Variants in ENPP3 observed in about 807,000 individuals in gnomAD.
The protein encoded by ENPP3 is ectonucleotide pyrophosphatase/phosphodiesterase family member 3.
Under a neutral mutation model 117.8 loss-of-function variants are expected in ENPP3, and 104 were observed. That is an observed-to-expected ratio of 0.88 (90% CI 0.75 to 1.04). The LOEUF is 1.04. Ranked by LOEUF, ENPP3 falls within the 50% of genes least tolerant of loss-of-function variation. ENPP3 has a pLI of 0.00. For synonymous variants in ENPP3, 380 were observed against 349.9 expected (o/e 1.09, Z -0.96); for missense variants, 1,026 against 1,051.9 (o/e 0.98, Z 0.34).
chr6:131,672,919 A>G (rs1028671474), intron 7 of ENPP3, among the ~76,000 whole-genome samples: 82 of 152,248 alleles, frequency 5.4e-4, no homozygotes, highest in African/African-American at 1.9e-3. Context: ...GGCAGGGAAG[A>G]TGGATAGAGA....
intron 15 of ENPP3, chr6:131,701,413 A>G (rs772367989): frequency 1.2e-6 from 2 of 1,609,204 alleles, no homozygotes; most frequent in Non-Finnish European, 1.7e-6. Flanking sequence ...TCCCTATGAC[A>G]GAGGAAATCA....
chr6:131,638,520 C>T (rs1169493113), intron 1 of ENPP3: 1 of 452,188 alleles, frequency 2.2e-6, no homozygotes, highest in Non-Finnish European at 4.4e-6. Flanking sequence ...CCTCCTGCCT[C>T]AGCCTCCTGA....
At chr6:131,649,945 A>C in intron 2 of ENPP3, 82 bp from the exon 3 acceptor site, 1 of 1,445,984 alleles carries the variant, frequency 6.9e-7, no homozygotes, top group African/African-American at 1.4e-5. Flanking sequence ...TGTGCTGTGT[A>C]CTTCCTGTGT....
intron 19 of ENPP3, among the ~76,000 whole-genome samples, chr6:131,724,740 C>T (rs990919092): frequency 5.3e-5 from 8 of 152,062 alleles, no homozygotes; most frequent in African/African-American, 1.7e-4. Context: ...TTATAATCTG[C>T]CAAGTGTTAT....
chr6:131,747,269 A>AT lies in ENPP3; in HGVS notation c.*318dup. ...TATCTTACTCAGAATCTTTGAATAT[A>AT]TTTTTCTGCCCAGAATTATCTAAAC... is the stretch of plus-strand genomic sequence containing the variant. On this transcript the variant is annotated 3_prime_UTR_variant, in exon 25 of 25. Coordinates refer to ENST00000357639, the MANE Select transcript of ENPP3 (RefSeq NM_005021.5). 1 of 163,370 alleles carries AT rather than the reference A, an allele frequency of 6.1e-6. No individual in the cohort carries two copies. The highest frequency in any genetic ancestry group is 1.3e-5 in the Non-Finnish European group (1 of 75,818). The allele number at this position is 163,370 out of a possible 1,614,324, so 10.1% of individuals were successfully genotyped here.
At chr6:131,736,868 C>T (rs560095668) in intron 21 of ENPP3, among the ~76,000 whole-genome samples, 6 of 152,214 alleles carry the variant, frequency 3.9e-5, no homozygotes, top group Middle Eastern at 3.4e-3. Context: ...TTTTTGAAGG[C>T]TCTAGGGGAA....
intron 6 of ENPP3, among the ~76,000 whole-genome samples, chr6:131,664,503 A>G (rs998137457): frequency 3.3e-5 from 5 of 152,190 alleles, no homozygotes; most frequent in South Asian, 2.1e-4. Context: ...AAAAAAATAC[A>G]TTTTTGTAAG....
chr6:131,652,995 A>C, intron 5 of ENPP3, 104 bp downstream of exon 5: 1 of 730,314 alleles, frequency 1.4e-6, no homozygotes, highest in Non-Finnish European at 2.4e-6. Flanking sequence ...ATTCATGTAC[A>C]TTTCAAAACA....
At chr6:131,645,916 G>A (rs955258974) in intron 2 of ENPP3, among the ~76,000 whole-genome samples, 10 of 151,926 alleles carry the variant, frequency 6.6e-5, no homozygotes, top group Admixed American at 1.3e-4. Context: ...AATAATTTAC[G>A]CTCTTCAATT....
intron 7 of ENPP3, among the ~76,000 whole-genome samples, chr6:131,673,127 A>G (rs1778782027): frequency 6.6e-6 from 1 of 152,230 alleles, no homozygotes; most frequent in South Asian, 2.1e-4. Flanking sequence ...AGTTATATTA[A>G]CACCATCAGC....
chr6:131,741,360 T>C (rs1335851387), intron 24 of ENPP3, among the ~76,000 whole-genome samples: 1 of 152,194 alleles, frequency 6.6e-6, no homozygotes, highest in Non-Finnish European at 1.5e-5. Context: ...AGGCACACAA[T>C]TTAGTCAGTC....
At chr6:131,724,148 G>C in intron 19 of ENPP3, 57 bp downstream of exon 19, 1 of 1,253,078 alleles carries the variant, frequency 8.0e-7, no homozygotes, top group Non-Finnish European at 1.2e-6. Context: ...AAAACACAAT[G>C]TGGCCCTTTT....
At chr6:131,735,862 A>G (rs991644727) in intron 21 of ENPP3, among the ~76,000 whole-genome samples, 1 of 152,316 alleles carries the variant, frequency 6.6e-6, no homozygotes, top group South Asian at 2.1e-4. Flanking sequence ...GTAAAGTTTC[A>G]GTTAAGCAAG....
At chr6:131,657,072 G>T (rs925916760) in intron 5 of ENPP3, among the ~76,000 whole-genome samples, 5 of 152,092 alleles carry the variant, frequency 3.3e-5, no homozygotes, top group African/African-American at 4.8e-5. Flanking sequence ...ATGAAAAAAA[G>T]AAGTATTTTC....
At chr6:131,639,528 T>C (rs2114277749) in intron 1 of ENPP3, among the ~76,000 whole-genome samples, 1 of 152,254 alleles carries the variant, frequency 6.6e-6, no homozygotes, top group East Asian at 1.9e-4. Context: ...TGTATCTCTC[T>C]AGTGGTTTTT....
Position 131,722,266 on chromosome 6 carries a change from A to T in ENPP3, c.1607A>T (p.His536Leu), listed in dbSNP as rs765317885. ...RIQPAPNNGT[H>L]GSLNHLLKVP... Reference sequence around the variant, plus strand: ...CAACCAGCACCAAACAATGGAACCCATGGTAGTTTAAACCATCTTCTGAAG... The same window carrying T: ...CAACCAGCACCAAACAATGGAACCCTTGGTAGTTTAAACCATCTTCTGAAG... The change falls in exon 18 of 25, where the codon CAT (histidine) becomes CTT (leucine). Residue 536 changes from histidine to leucine, a missense_variant. Physicochemically the swap from His to Leu is moderately conservative, Grantham distance 99 (BLOSUM62 -3). Transcript: ENST00000357639. The T allele has an allele frequency of 6.2e-7, 1 of 1,613,958 alleles. No individual in the cohort carries two copies. The highest frequency in any genetic ancestry group is 8.5e-7 in the Non-Finnish European group (1 of 1,179,986).
chr6:131,639,560 A>G (rs1778000649), intron 1 of ENPP3, among the ~76,000 whole-genome samples: 1 of 152,092 alleles, frequency 6.6e-6, no homozygotes, highest in African/African-American at 2.4e-5. Flanking sequence ...ATGAAGTTCA[A>G]TATTTTTAAA....
chr6:131,738,408 TTAA>T (rs1439405502), intron 23 of ENPP3, among the ~76,000 whole-genome samples: 1 of 152,108 alleles, frequency 6.6e-6, no homozygotes, highest in Non-Finnish European at 1.5e-5. Context: ...AATTGCTGAA[TTAA>T]TGGGCAAAGA....
intron 6 of ENPP3, among the ~76,000 whole-genome samples, chr6:131,666,323 T>C (rs902247344): frequency 6.6e-6 from 1 of 152,212 alleles, no homozygotes; most frequent in Non-Finnish European, 1.5e-5. Context: ...TTATAATATG[T>C]CTTAGTGTGG....
Sources: gnomAD v4.1 joint callset for allele counts (sites outside exome capture counted in the v4.1 genomes callset) on GRCh38, gnomAD v4.1.1 for gene constraint, MANE v1.5 for transcripts, NCBI Gene and HGNC (gene_info 2026-07-23, HGNC 2026-07-21) for gene names.